RASGRF2: variants seen among roughly 807,000 people sequenced by gnomAD.
RASGRF2 encodes the protein Ras protein specific guanine nucleotide releasing factor 2.
A neutral mutation model predicts 151.0 loss-of-function variants in RASGRF2; 76 were observed. That is an observed-to-expected ratio of 0.50 (90% CI 0.42 to 0.61). The LOEUF (loss-of-function observed/expected upper bound fraction) is 0.61. RASGRF2 is among the 20% of genes least tolerant of loss of function. RASGRF2 has a pLI of 0.00. For synonymous variants in RASGRF2, 504 were observed against 566.5 expected (o/e 0.89, Z 1.57); for missense variants, 1,148 against 1,564.6 (o/e 0.73, Z 4.49).
intron 9 of RASGRF2, chr5:81,087,250 G>T: frequency 5.7e-6 from 4 of 703,082 alleles, no homozygotes; most frequent in Non-Finnish European, 1.0e-5. Context: ...GGACCGGTCG[G>T]CCTGGCCCAC....
chr5:81,091,774 G>T (rs1237170066), intron 9 of RASGRF2, among the ~76,000 whole-genome samples: 1 of 152,138 alleles, frequency 6.6e-6, no homozygotes, highest in Non-Finnish European at 1.5e-5. Flanking sequence ...AAAAATGTAT[G>T]AAGAGGAAAA....
intron 1 of RASGRF2, among the ~76,000 whole-genome samples, chr5:80,998,663 A>G (rs1211749639): frequency 4.0e-5 from 6 of 151,820 alleles, no homozygotes; most frequent in African/African-American, 1.5e-4. Flanking sequence ...CATTTTTCTC[A>G]TTGGAAGACA....
chr5:81,086,942 T>A lies in RASGRF2; in HGVS notation c.1379T>A (p.Phe460Tyr), dbSNP rs868252839. 7.4e-6 allele frequency: 12 copies of A among 1,613,388 alleles called. No homozygotes were observed. In the African/African-American group the frequency reaches 1.1e-4, roughly 14 times the overall value. Residue 460 changes from phenylalanine to tyrosine, a missense_variant, in exon 9 of 27, where the codon TTC becomes TAC. This residue lies in a region of RASGRF2 where 646 missense variants were observed against 807.4 expected (regional missense o/e 0.80). Coordinates refer to ENST00000265080, the MANE Select transcript of RASGRF2 (RefSeq NM_006909.3). The part of the protein sequence containing the change: ...CDILLDTSQT[F>Y]IRQGSLIQVP... Reference sequence around the variant, plus strand: ...ATCTTGCTGGACACCAGCCAAACGTTCATCCGCCAAGGTAAGTCCCTGTGA... The same window carrying A: ...ATCTTGCTGGACACCAGCCAAACGTACATCCGCCAAGGTAAGTCCCTGTGA...
chr5:81,157,311 G>A (rs1287532944), intron 17 of RASGRF2, among the ~76,000 whole-genome samples: 2 of 149,554 alleles, frequency 1.3e-5, no homozygotes, highest in African/African-American at 2.5e-5. Context: ...AGCCGAGATC[G>A]CGCCACTGCA....
chr5:81,157,312 C>T (rs1344725229), intron 17 of RASGRF2, among the ~76,000 whole-genome samples: 6 of 149,092 alleles, frequency 4.0e-5, no homozygotes, highest in South Asian at 2.1e-4. Context: ...GCCGAGATCG[C>T]GCCACTGCAC....
chr5:81,125,439 T>C (rs927554209), intron 16 of RASGRF2, among the ~76,000 whole-genome samples: 1 of 152,198 alleles, frequency 6.6e-6, no homozygotes, highest in South Asian at 2.1e-4. Flanking sequence ...TGGGTGTTTC[T>C]GGTAAATGAA....
chr5:81,113,148 T>C (rs1311298057), intron 14 of RASGRF2, among the ~76,000 whole-genome samples: 1 of 152,120 alleles, frequency 6.6e-6, no homozygotes, highest in Non-Finnish European at 1.5e-5. Context: ...TTCTTTCTTT[T>C]TTTTTTTGAC....
At chr5:81,200,314 C>T (rs1755359283) in intron 18 of RASGRF2, among the ~76,000 whole-genome samples, 1 of 151,724 alleles carries the variant, frequency 6.6e-6, no homozygotes, top group African/African-American at 2.4e-5. Flanking sequence ...TTATTTTCTA[C>T]CTTTTTAAAA....
intron 17 of RASGRF2, among the ~76,000 whole-genome samples, chr5:81,133,880 G>T (rs74558851): frequency 6.6e-6 from 1 of 152,142 alleles, no homozygotes; most frequent in Non-Finnish European, 1.5e-5. Context: ...TGTAAAACCA[G>T]TCATGGCATG....
intron 2 of RASGRF2, among the ~76,000 whole-genome samples, chr5:81,048,300 T>A (rs975527961): frequency 6.6e-6 from 1 of 152,208 alleles, no homozygotes; most frequent in African/African-American, 2.4e-5. Flanking sequence ...TATTATTTGC[T>A]AAGAAATTCT....
intron 1 of RASGRF2, among the ~76,000 whole-genome samples, chr5:81,033,729 T>C (rs1026429574): frequency 9.2e-5 from 14 of 152,208 alleles, no homozygotes; most frequent in Non-Finnish European, 1.6e-4. Flanking sequence ...ATTCAGGACA[T>C]AGGCATGGGC....
intron 17 of RASGRF2, among the ~76,000 whole-genome samples, chr5:81,129,433 A>G (rs1376486573): frequency 6.6e-6 from 1 of 152,100 alleles, no homozygotes. Flanking sequence ...AGTACTTTAT[A>G]TATTATTTAT....
At chr5:81,171,549 TTG>T (rs57890623) in intron 17 of RASGRF2, among the ~76,000 whole-genome samples, 81,627 of 150,474 alleles carry the variant, frequency 0.54, 23,878 homozygotes, top group East Asian at 0.78. Flanking sequence ...CCTTTTGTGT[TTG>T]TGTGTGTGTG....
rs559136539 is a variant in RASGRF2, at chr5:81,228,622, G to A, written c.*2852G>A. ...AAGAAAAATCCAATTTCATGCTTTC[G>A]AATGAATGCCCACATTTTGTACTGT... is the stretch of plus-strand genomic sequence containing the variant. On this transcript the variant is annotated 3_prime_UTR_variant, in exon 27 of 27. Transcript: ENST00000265080. 2.0e-5 allele frequency: 3 copies of A among 152,274 alleles called. No homozygotes were observed. The highest frequency in any genetic ancestry group is 3.9e-4 in the East Asian group (2 of 5,180). The allele number at this position is 152,274 out of a possible 1,614,324, so 9.4% of individuals were successfully genotyped here. A position where few individuals can be genotyped will look rare whatever the true frequency, so the allele number is the denominator to read the frequency against.
chr5:81,121,936 C>T (rs1257174447), intron 15 of RASGRF2, among the ~76,000 whole-genome samples: 1 of 152,202 alleles, frequency 6.6e-6, no homozygotes, highest in East Asian at 1.9e-4. Flanking sequence ...TTTCTGTGTT[C>T]TTAGTTTGAA....
chr5:81,096,279 T>C (rs1561201782), intron 12 of RASGRF2: 2 of 152,256 alleles, frequency 1.3e-5, no homozygotes, highest in Non-Finnish European at 1.5e-5. Context: ...GTTCATTAGC[T>C]CTATGCTATA....
intron 15 of RASGRF2, among the ~76,000 whole-genome samples, chr5:81,116,288 G>A (rs60064859): frequency 0.031 from 4,745 of 151,822 alleles, 236 homozygotes; most frequent in African/African-American, 0.11. Flanking sequence ...TCACCATGTT[G>A]GCCAGGCTAG....
intron 18 of RASGRF2, among the ~76,000 whole-genome samples, chr5:81,193,316 G>A (rs1463735495): frequency 6.6e-6 from 1 of 152,184 alleles, no homozygotes; most frequent in African/African-American, 2.4e-5. Context: ...TTGCTTTGCA[G>A]ATGATTTTTC....
At chr5:81,104,862 T>G (rs1377393105) in intron 12 of RASGRF2, among the ~76,000 whole-genome samples, 1 of 152,048 alleles carries the variant, frequency 6.6e-6, no homozygotes, top group East Asian at 1.9e-4. Context: ...GGAGAAAAAG[T>G]TCTATTTCAG....
Sources: gnomAD v4.1 joint callset for allele counts (sites outside exome capture counted in the v4.1 genomes callset) on GRCh38, gnomAD v4.1.1 for gene constraint, gnomAD v4.1.1 regional missense constraint, MANE v1.5 for transcripts, NCBI Gene and HGNC (gene_info 2026-07-23, HGNC 2026-07-21) for gene names.